The following SLC25A26 variants were observed in gnomAD, a reference collection of about 807,000 sequenced individuals.
SLC25A26 encodes the protein mitochondrial S-adenosylmethionine carrier protein.
A neutral mutation model predicts 37.8 loss-of-function variants in SLC25A26; 36 were observed. The observed-to-expected ratio is 0.95, with a 90% CI of 0.73 to 1.26. The LOEUF is 1.26. Ranked by LOEUF, SLC25A26 falls within the 50% of genes most tolerant of loss-of-function variation. The pLI is 0.00. For missense variants in SLC25A26, 390 were observed against 331.1 expected, an observed-to-expected ratio of 1.18 and a Z score of -1.38; for synonymous variants, 129 against 122.5, an observed-to-expected ratio of 1.05 and a Z score of -0.35.
chr3:66,351,991 G>A (rs1177427038), intron 6 of SLC25A26, among the ~76,000 whole-genome samples: 1 of 152,060 alleles, frequency 6.6e-6, no homozygotes, highest in East Asian at 1.9e-4. Context: ...GCTCATGCCT[G>A]TAATCCCAGC....
intron 5 of SLC25A26, among the ~76,000 whole-genome samples, chr3:66,278,959 A>G (rs944873501): frequency 4.6e-5 from 7 of 152,182 alleles, no homozygotes; most frequent in African/African-American, 1.4e-4. Context: ...AGAAGACTTC[A>G]TGAATGATCA....
chr3:66,285,119 C>T (rs1420191226), intron 5 of SLC25A26, among the ~76,000 whole-genome samples: 3 of 151,924 alleles, frequency 2.0e-5, no homozygotes, highest in Non-Finnish European at 4.4e-5. Flanking sequence ...TGTGAGCTTT[C>T]CTTTATAATT....
chr3:66,223,661 A>C (rs1284478025), intron 1 of SLC25A26, among the ~76,000 whole-genome samples: 2 of 152,196 alleles, frequency 1.3e-5, no homozygotes, highest in African/African-American at 4.8e-5. Context: ...TGAAGTCTTG[A>C]AACTTGGATT....
intron 1 of SLC25A26, among the ~76,000 whole-genome samples, chr3:66,162,031 G>C (rs1169120192): frequency 6.6e-6 from 1 of 152,180 alleles, no homozygotes; most frequent in Non-Finnish European, 1.5e-5. Context: ...GCTTCAACAA[G>C]AGAAATTGAT....
intron 7 of SLC25A26, among the ~76,000 whole-genome samples, chr3:66,367,880 A>G (rs555451280): frequency 5.6e-4 from 85 of 152,308 alleles, no homozygotes; most frequent in Admixed American, 1.2e-3. Context: ...ATTTCAGACA[A>G]CCTCTGGATA....
chr3:66,332,271 A>G (rs577200286), intron 5 of SLC25A26, among the ~76,000 whole-genome samples: 25 of 152,054 alleles, frequency 1.6e-4, no homozygotes, highest in South Asian at 6.3e-4. Context: ...ACCTACTCCT[A>G]CTGTGTTTAG....
chr3:66,180,958 G>C (rs2070693929), intron 1 of SLC25A26, among the ~76,000 whole-genome samples: 1 of 152,156 alleles, frequency 6.6e-6, no homozygotes, highest in Non-Finnish European at 1.5e-5. Context: ...GACACCAGGA[G>C]TGTACATACA....
chr3:66,294,949 A>C (rs1218493776), intron 5 of SLC25A26, among the ~76,000 whole-genome samples: 2 of 152,254 alleles, frequency 1.3e-5, no homozygotes, highest in East Asian at 3.8e-4. Context: ...CAATTAAAAA[A>C]TATAAACTGT....
chr3:66,348,128 C>G (rs1039722686), intron 6 of SLC25A26, among the ~76,000 whole-genome samples: 5 of 151,230 alleles, frequency 3.3e-5, no homozygotes, highest in South Asian at 2.1e-4. Context: ...CCTGGAACTT[C>G]AACAACAACA....
chr3:66,376,693 T>C (rs1040536778), intron 9 of SLC25A26, among the ~76,000 whole-genome samples: 4 of 152,244 alleles, frequency 2.6e-5, no homozygotes, highest in African/African-American at 7.2e-5. Context: ...TTCACTATTA[T>C]GGTGGCCAAA....
At chr3:66,200,118 C>A (rs1270803922) in intron 1 of SLC25A26, among the ~76,000 whole-genome samples, 1 of 152,108 alleles carries the variant, frequency 6.6e-6, no homozygotes, top group South Asian at 2.1e-4. Context: ...AAAATATAAA[C>A]AAATATATAG....
At chr3:66,191,449 G>A (rs2070940432) in intron 1 of SLC25A26, among the ~76,000 whole-genome samples, 1 of 152,120 alleles carries the variant, frequency 6.6e-6, no homozygotes, top group Non-Finnish European at 1.5e-5. Flanking sequence ...CTCAGTTTTA[G>A]ACATTCCTCT....
chr3:66,346,288 A>G lies in SLC25A26; in HGVS notation c.454-76A>G, dbSNP rs145066628. 15 of 646,318 alleles carry G rather than the reference A, an allele frequency of 2.3e-5. No homozygotes were observed. The East Asian group carries it at 4.5e-4, about 19-fold the overall frequency. The allele number at this position is 646,318 out of a possible 1,614,324, so 40.0% of individuals were successfully genotyped here. ...TTGTTATAAAGTTGAAATAATATTT[A>G]CAGGCTCGTATAGTCATACAGGCAA... is the stretch of plus-strand genomic sequence containing the variant. On this transcript the variant is annotated intron_variant, in intron 5 of 9. Transcript: ENST00000354883.
rs1190640802 is a variant in SLC25A26 at position 66,191,561 on chromosome 3, A to G, written c.-353-29181A>G. ...TGTATTCTTTTTTTTCAAGGTAGGT[A>G]TAGACTGAATGTTTGTGTTCCCCCC... is the stretch of plus-strand genomic sequence containing the variant. On this transcript the variant is annotated intron_variant, in intron 1 of 10. Transcript: ENST00000676754. Among the ~76,000 whole-genome samples the G allele has an allele frequency of 5.9e-5, 9 of 152,338 alleles. No homozygotes were observed. In the South Asian group the frequency reaches 1.4e-3, roughly 25 times the overall value.
chr3:66,170,641 CT>C (rs1363637386), intron 1 of SLC25A26, among the ~76,000 whole-genome samples: 2 of 152,154 alleles, frequency 1.3e-5, no homozygotes, highest in Non-Finnish European at 2.9e-5. Flanking sequence ...AGTTCAGTCA[CT>C]TAACTAAAGA....
intron 5 of SLC25A26, among the ~76,000 whole-genome samples, chr3:66,297,184 TG>T (rs1185833235): frequency 6.6e-6 from 1 of 151,854 alleles, no homozygotes; most frequent in Non-Finnish European, 1.5e-5. Context: ...AAAAAATAGC[TG>T]GGCATGGTTG....
chr3:66,201,006 C>A (rs1371764654), intron 1 of SLC25A26, among the ~76,000 whole-genome samples: 1 of 152,132 alleles, frequency 6.6e-6, no homozygotes, highest in Non-Finnish European at 1.5e-5. Context: ...GAGAAAAAGA[C>A]TGATATTTCT....
chr3:66,369,564 TG>T, intron 8 of SLC25A26, 22 bp downstream of exon 8: 1 of 1,558,822 alleles, frequency 6.4e-7, no homozygotes, highest in Non-Finnish European at 8.7e-7. Context: ...AATAATGTAA[TG>T]GAGATACTTC....
At chr3:66,278,202 TA>T (rs2074220665) in intron 5 of SLC25A26, among the ~76,000 whole-genome samples, 1 of 152,170 alleles carries the variant, frequency 6.6e-6, no homozygotes, top group African/African-American at 2.4e-5. Context: ...AGTTTGTTTT[TA>T]AAAAACAAAC....
Sources: allele counts gnomAD v4.1 joint callset (sites outside exome capture counted in the v4.1 genomes callset), GRCh38; gene constraint gnomAD v4.1.1; transcripts MANE v1.5; gene names NCBI Gene and HGNC (gene_info 2026-07-23, HGNC 2026-07-21).